Variants in ACOT1 observed in about 807,000 individuals in gnomAD.
ACOT1 encodes the protein acyl-coenzyme A thioesterase 1.
A neutral mutation model predicts 15.7 loss-of-function variants in ACOT1; 8 were observed. The ratio of observed to expected loss-of-function variants is 0.51; its 90% CI spans 0.30 to 0.92. ACOT1 has a LOEUF of 0.92. Among genes scored for constraint, ACOT1 ranks in the 40% least tolerant of loss-of-function variants. The pLI is 0.06. For synonymous variants in ACOT1, 67 were observed against 241.2 expected (o/e 0.28, Z 6.69); for missense variants, 151 against 539.4 (o/e 0.28, Z 7.13).
the ACOT1 span, among the ~76,000 whole-genome samples, chr14:73,499,685 A>G: frequency 2.6e-4 from 39 of 152,260 alleles, no homozygotes; most frequent in East Asian, 7.5e-3. Context: ...CTGGGGCCAT[A>G]TGGCTTCTCT....
At chr14:73,526,748 C>T in the ACOT1 span, among the ~76,000 whole-genome samples, 1 of 152,220 alleles carries the variant, frequency 6.6e-6, no homozygotes, top group African/African-American at 2.4e-5. Context: ...TCCCCACCTG[C>T]TGACTAAAGT....
At chr14:73,530,653 G>GT in the ACOT1 span, 184 of 95,898 alleles carry the variant, frequency 1.9e-3, 1 homozygote, top group East Asian at 3.0e-3. Context: ...TTTTTTGTTT[G>GT]TTTGTTTTTT....
At chr14:73,542,521 C>T (rs1245755733) in intron 2 of ACOT1, among the ~76,000 whole-genome samples, 1 of 104,932 alleles carries the variant, frequency 9.5e-6, no homozygotes, top group African/African-American at 3.3e-5. Flanking sequence ...TCTCCTGCCT[C>T]GGCCTCCTGA....
the ACOT1 span, chr14:73,491,551 G>T: frequency 1.3e-6 from 2 of 1,535,220 alleles, no homozygotes; most frequent in South Asian, 1.2e-5. Context: ...CGGGTGGGGA[G>T]CCGGCCTGGG....
the ACOT1 span, among the ~76,000 whole-genome samples, chr14:73,524,293 CA>C: frequency 0.034 from 1,928 of 56,560 alleles, 70 homozygotes; most frequent in East Asian, 0.19. Context: ...AACTCCGTCT[CA>C]AAAAAAAAAA....
At chr14:73,493,861 A>G in the ACOT1 span, among the ~76,000 whole-genome samples, 3 of 152,208 alleles carry the variant, frequency 2.0e-5, no homozygotes, top group Non-Finnish European at 4.4e-5. Context: ...AAAACAAAAA[A>G]GAATCTTATC....
the ACOT1 span, chr14:73,491,867 G>C: frequency 3.7e-6 from 6 of 1,610,586 alleles, no homozygotes; most frequent in East Asian, 2.2e-5. Flanking sequence ...CGCGCTGCCC[G>C]CCGCCGCGTG....
the ACOT1 span, chr14:73,500,656 G>T: frequency 3.1e-6 from 5 of 1,614,084 alleles, no homozygotes; most frequent in Admixed American, 8.3e-5. Context: ...AAGCTTGGCG[G>T]TCATAAGCTT....
the ACOT1 span, chr14:73,520,995 G>T: frequency 6.2e-7 from 1 of 1,613,736 alleles, no homozygotes; most frequent in Non-Finnish European, 8.5e-7. Context: ...CTTGTTGCCA[G>T]GCATGATCTC....
the ACOT1 span, among the ~76,000 whole-genome samples, chr14:73,510,243 C>T: frequency 6.6e-6 from 1 of 151,966 alleles, no homozygotes; most frequent in African/African-American, 2.4e-5. Flanking sequence ...TATCTTTCAA[C>T]CTTGGTTGAA....
the ACOT1 span, among the ~76,000 whole-genome samples, chr14:73,516,860 G>A: frequency 1.8e-4 from 27 of 152,280 alleles, no homozygotes; most frequent in East Asian, 5.0e-3. Context: ...GATGATCTGA[G>A]GTGGAACCAT....
the ACOT1 span, chr14:73,511,868 A>T: frequency 1.1e-6 from 1 of 915,576 alleles, no homozygotes; most frequent in East Asian, 2.5e-5. Context: ...ATAAGCATGT[A>T]TATATAGGCC....
chr14:73,509,077 G>T, the ACOT1 span, among the ~76,000 whole-genome samples: 1 of 152,110 alleles, frequency 6.6e-6, no homozygotes, highest in African/African-American at 2.4e-5. Flanking sequence ...ATGTTGCCCA[G>T]GCTGGTTTAG....
the ACOT1 span, chr14:73,519,218 C>A: frequency 1.3e-6 from 2 of 1,543,318 alleles, no homozygotes; most frequent in African/African-American, 2.7e-5. Context: ...TTTCCTTTCT[C>A]CCTGGGTTCC....
the ACOT1 span, among the ~76,000 whole-genome samples, chr14:73,508,751 CAAAAAAAAAAAA>C: frequency 2.1e-4 from 12 of 57,882 alleles, no homozygotes; most frequent in East Asian, 5.8e-4. Context: ...AACTCTGTCT[CAAAAAAAAAAAA>C]AAAAAAAAAA....
At chr14:73,495,574 C>A in the ACOT1 span, among the ~76,000 whole-genome samples, 3 of 151,856 alleles carry the variant, frequency 2.0e-5, no homozygotes, top group East Asian at 2.0e-4. Context: ...CAAAGTGAGA[C>A]CCTGTCTCTA....
At chr14:73,496,995 A>G in the ACOT1 span, among the ~76,000 whole-genome samples, 1 of 152,218 alleles carries the variant, frequency 6.6e-6, no homozygotes, top group Non-Finnish European at 1.5e-5. Flanking sequence ...TCCCAGGTTC[A>G]AGCGATTCTC....
the ACOT1 span, chr14:73,530,258 G>A: frequency 1.4e-5 from 2 of 145,114 alleles, 1 homozygote. Context: ...GAATAGATAC[G>A]GGTAAAGAAC....
chr14:73,536,516 T>A (rs1214764861), upstream of ACOT1, among the ~76,000 whole-genome samples: 1 of 59,348 alleles, frequency 1.7e-5, no homozygotes. Flanking sequence ...CCTGTCTCTT[T>A]AAAAAAAAAA....
Sources: gnomAD v4.1 joint callset for allele counts (sites outside exome capture counted in the v4.1 genomes callset) on GRCh38, gnomAD v4.1.1 for gene constraint, MANE v1.5 for transcripts, NCBI Gene and HGNC (gene_info 2026-07-23, HGNC 2026-07-21) for gene names.